Variants in CUL7 observed in about 807,000 individuals in gnomAD.
CUL7 encodes the protein cullin-7.
CUL7 carries 96 observed loss-of-function variants against 177.7 expected under a neutral mutation model. The observed-to-expected ratio is 0.54, with a 90% CI of 0.46 to 0.64. The LOEUF is 0.64. Among genes scored for constraint, CUL7 ranks in the 30% least tolerant of loss-of-function variants. CUL7 has a pLI of 0.00. For synonymous variants in CUL7, 824 were observed against 890.2 expected, an observed-to-expected ratio of 0.93 and a Z score of 1.32; for missense variants, 1,893 against 2,187.9, an observed-to-expected ratio of 0.87 and a Z score of 2.69.
chr6:43,041,037 G>C lies in CUL7; in HGVS notation c.3684C>G (p.Ile1228Met). ...EQFARHIDQQ[I>M]QGSRIGGAQE... The stretch of plus-strand genomic sequence containing the variant: ...GGGCTCCACCGATCCGGCTGCCCTG[G>C]ATCTGCTGGTCAATGTGCCGGGCGA... The change falls in exon 20 of 26, where the codon ATC becomes ATG. Residue 1228 changes from isoleucine to methionine, a missense_variant. Physicochemically the swap from Ile to Met is conservative, Grantham distance 10 (BLOSUM62 1). This residue lies in a region of CUL7 where 973 missense variants were observed against 1,140.9 expected (regional missense o/e 0.85). Coordinates refer to ENST00000265348, the MANE Select transcript of CUL7 (RefSeq NM_014780.5). 1 of 1,614,060 alleles carries C rather than the reference G, an allele frequency of 6.2e-7. No homozygotes were observed. Among genetic ancestry groups the C allele is most frequent in the Non-Finnish European group, 8.5e-7 (1 of 1,179,992 alleles).
chr6:43,046,970 A>G lies in CUL7; in HGVS notation c.2307T>C (p.Ala769=), dbSNP rs538588226. The change falls in exon 10 of 26, where the codon GCT becomes GCC. Residue 769 remains alanine, a synonymous_variant. Transcript: ENST00000265348. ...TGAACACCATGTCCCGCAGCTCCTG[A>G]GCCAGCTCCAGCTTTCCCAGGTGCT... ...LEKHLGKLEL[A]QELRDMVFKC... 296 of 1,613,236 alleles carry G rather than the reference A, an allele frequency of 1.8e-4. 5 individuals are homozygous for G. The South Asian group carries it at 3.1e-3, about 17-fold the overall frequency.
rs1764627316 is a variant in CUL7, at chr6:43,053,482, G to A, written c.-9+140C>T. 2 of 542,544 alleles carry A rather than the reference G, an allele frequency of 3.7e-6. No individual in the cohort carries two copies. The highest frequency in any genetic ancestry group is 5.1e-4 in the Middle Eastern group (1 of 1,964). 33.6% of individuals were successfully genotyped at this position (542,544 alleles called of 1,614,324 possible). A position where few individuals can be genotyped will look rare whatever the true frequency, so the allele number is the denominator to read the frequency against. On this transcript the variant is annotated intron_variant, in intron 1 of 25. Transcript: ENST00000265348. This position sits in a 1 kb window ranked among gnomAD's most constrained non-coding sequence, Gnocchi z 4.1. The stretch of plus-strand genomic sequence containing the variant: ...GGAGAAGCCAGGGGCGCGCGGTAAG[G>A]TGGGGGAGAGGGGATTAGGCCCCAT...
chr6:43,045,708 ACCT>A lies in CUL7; in HGVS notation c.2767-29_2767-27del, dbSNP rs779712487. The A allele has an allele frequency of 6.2e-6, 10 of 1,611,284 alleles. No homozygotes were observed. The Admixed American group carries it at 1.7e-4, about 27-fold the overall frequency. ...CTGGCAGGGGGCAGAGAAAGCTGTC[ACCT>A]CCACACATGCAGAGCCAAGTTGGCT... is the stretch of plus-strand genomic sequence containing the variant. On this transcript the variant is annotated intron_variant, in intron 13 of 25. Transcript: ENST00000265348. This position sits in a 1 kb window ranked among gnomAD's most constrained non-coding sequence, Gnocchi z 4.8.
At position 43,043,523 on chromosome 6, in the gene CUL7, G is replaced by A. The variant is rs780878899; in HGVS notation, c.3280C>T (p.Arg1094Cys). ...SRGPAFFSRV[R>C]RLTHLLVHVE... is the part of the protein sequence containing the mutation. ...TGCACCAGCAGGTGAGTGAGACGGC[G>A]CACCCGCGAGAAGAAAGCTGGGCCG... Residue 1094 changes from arginine (R) to cysteine (C), a missense_variant, in exon 17 of 26, where the codon CGC becomes TGC. Arg to Cys is a radical substitution (Grantham distance 180). Coordinates refer to ENST00000265348, the MANE Select transcript of CUL7 (RefSeq NM_014780.5). This position sits in a 1 kb window ranked among gnomAD's most constrained non-coding sequence, Gnocchi z 4.2. The A allele has an allele frequency of 2.7e-5, 44 of 1,613,962 alleles. No homozygotes were observed. Among genetic ancestry groups the A allele is most frequent in the South Asian group, 8.8e-5 (8 of 91,080 alleles).
chr6:43,042,925 C>T lies in CUL7; in HGVS notation c.3522G>A (p.Glu1174=). The T allele has an allele frequency of 6.2e-7, 1 of 1,614,174 alleles. No individual in the cohort carries two copies. Among genetic ancestry groups the T allele is most frequent in the Non-Finnish European group, 8.5e-7 (1 of 1,180,020 alleles). The part of the protein sequence containing the change: ...RDDDFVPRYC[E]HFNILQNSSS... ...TTGAGTTCTGCAGAATATTAAAGTG[C>T]TCACAGTAGCGTGGCACAAAGTCAT... The change falls in exon 19 of 26, where the codon GAG becomes GAA. Residue 1174 remains glutamate, a synonymous_variant. Transcript: ENST00000265348.
Position 43,050,521 on chromosome 6 carries a change from A to G in CUL7, c.1234-123T>C. 2.4e-6 allele frequency: 2 copies of G among 843,670 alleles called. No individual in the cohort carries two copies. The highest frequency in any genetic ancestry group is 5.2e-5 in the East Asian group (2 of 38,192). The allele number at this position is 843,670 out of a possible 1,614,324, so 52.3% of individuals were successfully genotyped here. A position where few individuals can be genotyped will look rare whatever the true frequency, so the allele number is the denominator to read the frequency against. ...CTGGCCAGGTTTTAGAAAAACCTCC[A>G]CATAACAAAACAGCAGCATATGGAG... is the stretch of plus-strand genomic sequence containing the variant. On this transcript the variant is annotated intron_variant, in intron 4 of 25. Coordinates refer to ENST00000265348, the MANE Select transcript of CUL7 (RefSeq NM_014780.5). This position sits in a 1 kb window ranked among gnomAD's most constrained non-coding sequence, Gnocchi z 4.1.
chr6:43,043,364 G>A lies in CUL7; in HGVS notation c.3355+84C>T. 7.1e-7 allele frequency: 1 copy of A among 1,401,298 alleles called. No homozygotes were observed. The highest frequency in any genetic ancestry group is 1.0e-6 in the Non-Finnish European group (1 of 990,710). 86.8% of individuals were successfully genotyped at this position (1,401,298 alleles called of 1,614,324 possible). ...AGCCCATAGGGAGGGGAAGGATGGG[G>A]ATGGACAGAAGCCTGTGGTGTACAC... On this transcript the variant is annotated intron_variant, in intron 17 of 25. Coordinates refer to ENST00000265348, the MANE Select transcript of CUL7 (RefSeq NM_014780.5). The surrounding 1 kb of genome is among the most constrained non-coding windows in gnomAD (Gnocchi z 4.2).
Position 43,040,466 on chromosome 6 carries a change from C to T in CUL7, c.4024-40G>A, listed in dbSNP as rs780278402. The T allele has an allele frequency of 2.0e-5, 33 of 1,612,326 alleles. No individual in the cohort carries two copies. The highest frequency in any genetic ancestry group is 3.3e-5 in the Admixed American group (2 of 60,028). On this transcript the variant is annotated intron_variant, in intron 21 of 25. Transcript: ENST00000265348. This position sits in a 1 kb window ranked among gnomAD's most constrained non-coding sequence, Gnocchi z 4.2. ...GGTTCCCAGATGCCATGGCCTCCTC[C>T]AGTCTGCTCCACGCCCCTCTTCCCC...
Position 43,051,340 on chromosome 6 carries a change from C to A in CUL7, c.861G>T (p.Gly287=). The A allele has an allele frequency of 6.2e-7, 1 of 1,611,872 alleles. No homozygotes were observed. Among genetic ancestry groups the A allele is most frequent in the South Asian group, 1.1e-5 (1 of 91,006 alleles). The change falls in exon 4 of 26, where the codon GGG becomes GGT. Residue 287 remains glycine, a synonymous_variant. Coordinates refer to ENST00000265348, the MANE Select transcript of CUL7 (RefSeq NM_014780.5). This position sits in a 1 kb window ranked among gnomAD's most constrained non-coding sequence, Gnocchi z 5.0. ...ACTCCAGCTCCAGTTGACCCCTCTC[C>A]CCACTCAACTCCTCAGGAGCAGAGG... ...QNTSAPEELS[G]ERGQLELEFS...
At chr6:43,041,682 G>C (rs921458194) in intron 19 of CUL7, among the ~76,000 whole-genome samples, 3 of 150,750 alleles carry the variant, frequency 2.0e-5, no homozygotes, top group African/African-American at 7.3e-5. Context: ...GAAGGGAAAG[G>C]AAGGGGAAGG....
chr6:43,037,888 T>G lies in CUL7; in HGVS notation c.4897A>C (p.Thr1633Pro). 1 of 1,613,616 alleles carries G rather than the reference T, an allele frequency of 6.2e-7. No individual in the cohort carries two copies. The highest frequency in any genetic ancestry group is 8.5e-7 in the Non-Finnish European group (1 of 1,179,646). ...GGCCGGTCGTCATGGCGTCTCAGCG[T>G]GCCCTTGCCCAGGAGGTGTAGGATG... ...SCILHLLGKG[T>P]LRRHDDRPQV... Residue 1633 changes from threonine to proline, a missense_variant, in exon 26 of 26, where the codon ACG becomes CCG. Transcript: ENST00000265348.
Position 43,049,669 on chromosome 6 carries a change from T to A in CUL7, c.1570-7A>T, listed in dbSNP as rs765091803. 3 of 1,613,828 alleles carry A rather than the reference T, an allele frequency of 1.9e-6. No individual in the cohort carries two copies. Among genetic ancestry groups the A allele is most frequent in the Non-Finnish European group, 2.5e-6 (3 of 1,179,912 alleles). On this transcript the variant is annotated splice_polypyrimidine_tract_variant and splice_region_variant and intron_variant, in intron 6 of 25. Transcript: ENST00000265348. ...GGATCTCATCATCCAGAATCTGCCA[T>A]CAAGGAGAAGCTCTCACTGCAGACA...
At position 43,038,021 on chromosome 6, in the gene CUL7, G is replaced by A. The variant is rs373197715; in HGVS notation, c.4774-10C>T. 6.3e-7 allele frequency: 1 copy of A among 1,585,980 alleles called. No homozygotes were observed. The highest frequency in any genetic ancestry group is 1.3e-5 in the African/African-American group (1 of 74,382). On this transcript the variant is annotated splice_polypyrimidine_tract_variant and intron_variant, in intron 25 of 25. Transcript: ENST00000265348. Reference sequence around the variant, plus strand: ...GCCAAGCCTCCAGCACCTGGTGTGGGGGAGGAAGGGAGAAGCGGTAGTTTA... The same window carrying A: ...GCCAAGCCTCCAGCACCTGGTGTGGAGGAGGAAGGGAGAAGCGGTAGTTTA...
chr6:43,048,677 T>G, intron 7 of CUL7, 108 bp from the exon 8 acceptor site: 1 of 787,606 alleles, frequency 1.3e-6, no homozygotes, highest in East Asian at 2.7e-5. Context: ...TAAAAAATGT[T>G]TTAAATTTTT....
rs1763758414 is a variant in CUL7, at chr6:43,044,880, T to C, written c.3044A>G (p.Asn1015Ser). 6.2e-7 allele frequency: 1 copy of C among 1,613,464 alleles called. No individual in the cohort carries two copies. Among genetic ancestry groups the C allele is most frequent in the Non-Finnish European group, 8.5e-7 (1 of 1,179,474 alleles). ...RSLLHLSSRL[N>S]GALRQEQNFA... is the part of the protein sequence containing the mutation. ...ATTCTGCTCCTGGCGCAGAGCACCGTTGAGTCTGGGGGTGAGAATGGAGGA... is the reference window on the plus strand; with the variant it reads ...ATTCTGCTCCTGGCGCAGAGCACCGCTGAGTCTGGGGGTGAGAATGGAGGA... The change falls in exon 16 of 26, where the codon AAC becomes AGC. Residue 1015 changes from asparagine (N) to serine (S), a missense_variant. Asn to Ser is a conservative substitution (Grantham distance 46). This residue lies in a region of CUL7 where 973 missense variants were observed against 1,140.9 expected (regional missense o/e 0.85). Transcript: ENST00000265348.
In CUL7 at chr6:43,050,549, TACAC is replaced by T. The variant is rs58059598; in HGVS notation, c.1234-155_1234-152del. 57,992 of 410,520 alleles carry T rather than the reference TACAC, an allele frequency of 0.14. 2,345 individuals are homozygous for T. The highest frequency in any genetic ancestry group is 0.16 in the Non-Finnish European group (33,576 of 213,794). 25.4% of individuals were successfully genotyped at this position (410,520 alleles called of 1,614,324 possible). ...TAACAAAACAGCAGCATATGGAGAA[TACAC>T]ACACACACACACACACACACACACA... On this transcript the variant is annotated intron_variant, in intron 4 of 25. Coordinates refer to ENST00000265348, the MANE Select transcript of CUL7 (RefSeq NM_014780.5). The surrounding 1 kb of genome is among the most constrained non-coding windows in gnomAD (Gnocchi z 4.1).
Position 43,038,177 on chromosome 6 carries a change from G to A in CUL7, c.4773+90C>T, listed in dbSNP as rs1190904922. The A allele has an allele frequency of 3.0e-5, 46 of 1,517,190 alleles. 1 individual carries two copies. The South Asian group carries it at 3.9e-4, about 13-fold the overall frequency. 94.0% of individuals were successfully genotyped at this position (1,517,190 alleles called of 1,614,324 possible). On this transcript the variant is annotated intron_variant, in intron 25 of 25. Coordinates refer to ENST00000265348, the MANE Select transcript of CUL7 (RefSeq NM_014780.5). ...CTACAGGCTACACAGTGAACCAGGTGCCTCACCACACGTGCACCCACCTTG... is the reference window on the plus strand; with the variant it reads ...CTACAGGCTACACAGTGAACCAGGTACCTCACCACACGTGCACCCACCTTG...
rs1290088947 is a variant in CUL7, at chr6:43,047,112, G to A, written c.2170-5C>T. 2 of 1,566,886 alleles carry A rather than the reference G, an allele frequency of 1.3e-6. No homozygotes were observed. The highest frequency in any genetic ancestry group is 1.1e-5 in the South Asian group (1 of 90,134). ...GAAAATCAGTTCCTGGAGCACCTGG[G>A]TGGGGACATAAGGGAGGAGATGAAT... is the stretch of plus-strand genomic sequence containing the variant. On this transcript the variant is annotated splice_polypyrimidine_tract_variant and splice_region_variant and intron_variant, in intron 9 of 25. Transcript: ENST00000265348.
In CUL7 at chr6:43,043,388, A is replaced by C. The variant is rs1207450492; in HGVS notation, c.3355+60T>G. On this transcript the variant is annotated intron_variant, in intron 17 of 25. Transcript: ENST00000265348. This position sits in a 1 kb window ranked among gnomAD's most constrained non-coding sequence, Gnocchi z 4.2. ...GGATGGACAGAAGCCTGTGGTGTAC[A>C]CATGGGGCCCAGGAAAACGCTCCTG... 4.6e-6 allele frequency: 7 copies of C among 1,532,182 alleles called. No homozygotes were observed. Among genetic ancestry groups the C allele is most frequent in the Admixed American group, 1.7e-5 (1 of 59,862 alleles). The allele number at this position is 1,532,182 out of a possible 1,614,324, so 94.9% of individuals were successfully genotyped here.
Sources: allele counts gnomAD v4.1 joint callset (sites outside exome capture counted in the v4.1 genomes callset), GRCh38; gene constraint gnomAD v4.1.1; regional missense constraint gnomAD v4.1.1; non-coding constraint Gnocchi (gnomAD v3.1); transcripts MANE v1.5; gene names NCBI Gene and HGNC (gene_info 2026-07-23, HGNC 2026-07-21).